KIAA0408: variants seen among roughly 807,000 people sequenced by gnomAD.
KIAA0408 encodes uncharacterized protein KIAA0408.
In KIAA0408, 51 loss-of-function variants were observed where a neutral mutation model predicts 60.9. The observed-to-expected ratio is 0.84, with a 90% CI of 0.67 to 1.06. KIAA0408 has a LOEUF of 1.06. Ranked by LOEUF, KIAA0408 falls within the 50% of genes least tolerant of loss-of-function variation. The pLI is 0.00. For synonymous variants in KIAA0408, 304 were observed against 282.4 expected (o/e 1.08, Z -0.77); for missense variants, 787 against 833.9 (o/e 0.94, Z 0.69).
intron 1 of KIAA0408, among the ~76,000 whole-genome samples, chr6:127,455,994 C>T (rs1773385627): frequency 6.6e-6 from 1 of 152,118 alleles, no homozygotes; most frequent in Non-Finnish European, 1.5e-5. Context: ...CTTTTAGGTT[C>T]GTCTAACAAT....
At position 127,444,116 on chromosome 6, in the gene KIAA0408, A is replaced by G. The variant is rs1773147635; in HGVS notation, c.2078T>C (p.Met693Thr). ...YTISLRSEAL[M>T]V is the part of the protein sequence containing the mutation. ...GCAATCCAGGCCAAAGACTTAAACC[A>G]TCAATGCTTCGGATCGCAGAGAAAT... The change falls in exon 6 of 6, where the codon ATG becomes ACG. Residue 693 changes from methionine (M) to threonine (T), a missense_variant. Coordinates refer to ENST00000483725, the MANE Select transcript of KIAA0408 (RefSeq NM_014702.5). 1 of 1,613,834 alleles carries G rather than the reference A, an allele frequency of 6.2e-7. No homozygotes were observed. The highest frequency in any genetic ancestry group is 1.1e-5 in the South Asian group (1 of 91,078).
Position 127,450,172 on chromosome 6 carries a change from T to C in KIAA0408, c.316A>G (p.Lys106Glu). ...CCACTGACTAAGCTCTGCTCTCTTT[T>C]ATTTTCTTTTCTCAGACCATCTTTG... ...NHKDGLRKEN[K>E]REQSLVSGGN... Residue 106 changes from lysine (K) to glutamate (E), a missense_variant, in exon 3 of 6, where the codon AAA (lysine) becomes GAA (glutamate). By Grantham distance (56) the Lys-to-Glu change is moderately conservative. Coordinates refer to ENST00000483725, the MANE Select transcript of KIAA0408 (RefSeq NM_014702.5). The C allele has an allele frequency of 1.9e-6, 3 of 1,614,144 alleles. No homozygotes were observed. The highest frequency in any genetic ancestry group is 2.5e-6 in the Non-Finnish European group (3 of 1,180,006).
rs768317819 is a variant in KIAA0408 at position 127,447,547 on chromosome 6, C to A, written c.772G>T (p.Asp258Tyr). ...GGTGGAGTTTCATTTCTTTTTAAAT[C>A]GATTGTATCAATTCCACATTTTTTC... Reference protein sequence around the residue: ...STKKCGIDTIDLKRNETPPVP... With the variant: ...STKKCGIDTIYLKRNETPPVP... The change falls in exon 5 of 6, where the codon GAT becomes TAT. Residue 258 changes from aspartate (D) to tyrosine (Y), a missense_variant. Transcript: ENST00000483725. The A allele has an allele frequency of 1.2e-6, 2 of 1,610,468 alleles. No individual in the cohort carries two copies. Among genetic ancestry groups the A allele is most frequent in the African/African-American group, 2.7e-5 (2 of 74,480 alleles).
Position 127,444,174 on chromosome 6 carries a change from G to C in KIAA0408, c.2020C>G (p.Pro674Ala). The C allele has an allele frequency of 3.1e-6, 5 of 1,613,886 alleles. No homozygotes were observed. The South Asian group carries it at 3.3e-5, about 11-fold the overall frequency. The part of the protein sequence containing the change: ...RWASRSPSAP[P>A]ALRRTTHNYT... ...TTGTGGGTAGTTCTCCGCAAGGCAGGGGGTGCAGATGGAGATCTGGATGCC... is the reference window on the plus strand; with the variant it reads ...TTGTGGGTAGTTCTCCGCAAGGCAGCGGGTGCAGATGGAGATCTGGATGCC... Residue 674 changes from proline (P) to alanine (A), a missense_variant, in exon 6 of 6, where the codon CCT (proline) becomes GCT (alanine). Transcript: ENST00000483725.
intron 4 of KIAA0408, among the ~76,000 whole-genome samples, chr6:127,448,256 GA>G (rs1022495890): frequency 1.3e-5 from 2 of 152,114 alleles, no homozygotes; most frequent in East Asian, 1.9e-4. Flanking sequence ...ATTTGGTCTT[GA>G]AAAAAAGTAA....
chr6:127,448,379 T>A (rs909724507), intron 4 of KIAA0408, among the ~76,000 whole-genome samples: 1 of 152,176 alleles, frequency 6.6e-6, no homozygotes, highest in Non-Finnish European at 1.5e-5. Context: ...GGATTAATTA[T>A]AAAGCAGAGT....
intron 1 of KIAA0408, among the ~76,000 whole-genome samples, chr6:127,456,407 A>G (rs1458546724): frequency 2.6e-5 from 4 of 152,120 alleles, no homozygotes; most frequent in Admixed American, 6.6e-5. Context: ...TTCTCTTTTT[A>G]ACCTACCGGA....
Position 127,444,134 on chromosome 6 carries a change from A to T in KIAA0408, c.2060T>A (p.Leu687Gln). The T allele has an allele frequency of 1.9e-6, 3 of 1,614,044 alleles. No homozygotes were observed. The highest frequency in any genetic ancestry group is 2.5e-6 in the Non-Finnish European group (3 of 1,179,970). ...RRTTHNYTIS[L>Q]RSEALMV ...TTAAACCATCAATGCTTCGGATCGC[A>T]GAGAAATGGTATAGTTGTGGGTAGT... is the stretch of plus-strand genomic sequence containing the variant. Residue 687 changes from leucine to glutamine, a missense_variant, in exon 6 of 6, where the codon CTG (leucine) becomes CAG (glutamine). Leu to Gln is a moderately radical substitution (Grantham distance 113). Coordinates refer to ENST00000483725, the MANE Select transcript of KIAA0408 (RefSeq NM_014702.5).
rs1488669789 is a variant in KIAA0408 at position 127,442,450 on chromosome 6, G to A, written c.*1659C>T. 1 of 152,166 alleles carries A rather than the reference G, an allele frequency of 6.6e-6. No individual in the cohort carries two copies. The highest frequency in any genetic ancestry group is 1.9e-4 in the East Asian group (1 of 5,202). The allele number at this position is 152,166 out of a possible 1,614,324, so 9.4% of individuals were successfully genotyped here. A position where few individuals can be genotyped will look rare whatever the true frequency, so the allele number is the denominator to read the frequency against. On this transcript the variant is annotated 3_prime_UTR_variant, in exon 6 of 6. Transcript: ENST00000483725. ...TTACTTTTCTTTGATAGCTTCCTGT[G>A]GAAAAGGATCTTCCTGAAGGAAATA...
At chr6:127,452,688 C>T (rs559956726) in intron 2 of KIAA0408, among the ~76,000 whole-genome samples, 4 of 152,194 alleles carry the variant, frequency 2.6e-5, no homozygotes, top group African/African-American at 9.6e-5. Flanking sequence ...ACTTCCCAAA[C>T]ATTTGGAAGG....
intron 1 of KIAA0408, among the ~76,000 whole-genome samples, chr6:127,454,487 T>G (rs1350595690): frequency 6.6e-6 from 1 of 152,162 alleles, no homozygotes; most frequent in African/African-American, 2.4e-5. Context: ...TTATTCTTTC[T>G]GTTCTGATGC....
chr6:127,446,518 A>C lies in KIAA0408; in HGVS notation c.1801T>G (p.Leu601Val), dbSNP rs1375277318. The change falls in exon 5 of 6, where the codon TTA becomes GTA. Residue 601 changes from leucine to valine, a missense_variant. Around this residue, in one of 3 missense-constraint regions of KIAA0408, gnomAD observed 133 missense variants for 119.2 expected, o/e 1.12. Transcript: ENST00000483725. Reference sequence around the variant, plus strand: ...TGGAGCATTTCTAAATGCTGACTTAATGTGGCACCACCACTGACATCAGAA... The same window carrying C: ...TGGAGCATTTCTAAATGCTGACTTACTGTGGCACCACCACTGACATCAGAA... Reference protein sequence around the residue: ...CNSDVSGGATLSQHLEMLQME... With the variant: ...CNSDVSGGATVSQHLEMLQME... 2.5e-6 allele frequency: 4 copies of C among 1,614,142 alleles called. No individual in the cohort carries two copies. The South Asian group carries it at 3.3e-5, about 13-fold the overall frequency.
At chr6:127,447,920 G>T (rs907957059) in intron 4 of KIAA0408, among the ~76,000 whole-genome samples, 180 bp from the exon 5 acceptor site, 5 of 152,106 alleles carry the variant, frequency 3.3e-5, no homozygotes, top group Non-Finnish European at 7.4e-5. Flanking sequence ...GTGGAATGAA[G>T]TCTACCTCTC....
intron 5 of KIAA0408, 127 bp from the exon 6 acceptor site, chr6:127,444,409 A>G (rs1411381117): frequency 1.4e-6 from 1 of 712,786 alleles, no homozygotes; most frequent in Non-Finnish European, 2.2e-6. Flanking sequence ...ATTGAAAACT[A>G]AAGAAGGTAG....
chr6:127,456,818 G>A lies in KIAA0408; in HGVS notation c.-121+2357C>T, dbSNP rs540420892. Among the ~76,000 whole-genome samples the A allele has an allele frequency of 2.8e-4, 42 of 151,788 alleles. 1 individual carries two copies. In the South Asian group the frequency reaches 7.9e-3, roughly 29 times the overall value. Reference sequence around the variant, plus strand: ...GGCATAGAATTGTTTTGGAGATTAAGTGAGCAAAAGGGAAAAATGCTTAAA... The same window carrying A: ...GGCATAGAATTGTTTTGGAGATTAAATGAGCAAAAGGGAAAAATGCTTAAA... On this transcript the variant is annotated intron_variant, in intron 1 of 5. Coordinates refer to ENST00000483725, the MANE Select transcript of KIAA0408 (RefSeq NM_014702.5).
chr6:127,447,039 C>T lies in KIAA0408; in HGVS notation c.1280G>A (p.Cys427Tyr). ...ESSSPLRNFS[C>Y]GFERTTRNEK... Reference sequence around the variant, plus strand: ...ATTCCTTGTAGTCCTTTCAAAGCCACAACTGAAATTTCTAAGTGGGCTACT... The same window carrying T: ...ATTCCTTGTAGTCCTTTCAAAGCCATAACTGAAATTTCTAAGTGGGCTACT... Residue 427 changes from cysteine (C) to tyrosine (Y), a missense_variant, in exon 5 of 6, where the codon TGT (cysteine) becomes TAT (tyrosine). Physicochemically the swap from Cys to Tyr is radical, Grantham distance 194. Coordinates refer to ENST00000483725, the MANE Select transcript of KIAA0408 (RefSeq NM_014702.5). 1 of 1,613,306 alleles carries T rather than the reference C, an allele frequency of 6.2e-7. No homozygotes were observed.
chr6:127,456,784 TG>T (rs10590257), intron 1 of KIAA0408, among the ~76,000 whole-genome samples: 1,625 of 148,276 alleles, frequency 0.011, 19 homozygotes, highest in African/African-American at 0.032. Flanking sequence ...TATAAAGTGG[TG>T]GGGGGGGGGC....
intron 2 of KIAA0408, among the ~76,000 whole-genome samples, chr6:127,451,635 C>G (rs1773304165): frequency 6.6e-6 from 1 of 152,050 alleles, no homozygotes; most frequent in Admixed American, 6.6e-5. Flanking sequence ...ATAAGTTTGC[C>G]TTATCATTTG....
In KIAA0408 at chr6:127,441,162, C is replaced by A. The variant is rs572926781; in HGVS notation, c.*2947G>T. The stretch of plus-strand genomic sequence containing the variant: ...AACTTTAAAGATCTTTGTAGGGAAG[C>A]AGAAACTCTTAAGTCCAGATGTTTT... On this transcript the variant is annotated 3_prime_UTR_variant, in exon 6 of 6. Coordinates refer to ENST00000483725, the MANE Select transcript of KIAA0408 (RefSeq NM_014702.5). The A allele has an allele frequency of 6.6e-6, 1 of 152,322 alleles. No homozygotes were observed. The highest frequency in any genetic ancestry group is 6.5e-5 in the Admixed American group (1 of 15,288). 9.4% of individuals were successfully genotyped at this position (152,322 alleles called of 1,614,324 possible). A position where few individuals can be genotyped will look rare whatever the true frequency, so the allele number is the denominator to read the frequency against.
Sources: gnomAD v4.1 joint callset for allele counts (sites outside exome capture counted in the v4.1 genomes callset) on GRCh38, gnomAD v4.1.1 for gene constraint, gnomAD v4.1.1 regional missense constraint, MANE v1.5 for transcripts, NCBI Gene and HGNC (gene_info 2026-07-23, HGNC 2026-07-21) for gene names.